CDH13: variants seen among roughly 807,000 people sequenced by gnomAD.
CDH13 encodes cadherin 13, also known as cadherin-13.
A neutral mutation model predicts 63.8 loss-of-function variants in CDH13; 24 were observed. The observed-to-expected ratio is 0.38, with a 90% CI of 0.27 to 0.53. The LOEUF is 0.53. Ranked by LOEUF, CDH13 falls within the 20% of genes least tolerant of loss-of-function variation. The probability of loss-of-function intolerance (pLI) is 0.85; values close to 1 mark genes in which losing one functional copy is unlikely to be tolerated. For synonymous variants in CDH13, 503 were observed against 355.3 expected (o/e 1.42, Z -4.67); for missense variants, 1,049 against 903.1 (o/e 1.16, Z -2.07).
intron 2 of CDH13, among the ~76,000 whole-genome samples, chr16:82,942,664 A>G (rs141416852): frequency 1.6e-3 from 250 of 152,288 alleles, no homozygotes; most frequent in African/African-American, 5.7e-3. Flanking sequence ...CTGGCCTGGA[A>G]TAGATAACAA....
At chr16:83,109,547 C>T (rs1423368585) in intron 3 of CDH13, among the ~76,000 whole-genome samples, 1 of 149,418 alleles carries the variant, frequency 6.7e-6, no homozygotes, top group Non-Finnish European at 1.5e-5. Flanking sequence ...ATTCTTTTTC[C>T]AAGTGCGGGT....
chr16:83,457,758 A>C (rs533850631), intron 6 of CDH13, among the ~76,000 whole-genome samples: 9 of 152,302 alleles, frequency 5.9e-5, no homozygotes, highest in African/African-American at 2.2e-4. Context: ...CCAAGCCAAT[A>C]GTCACTGACC....
At chr16:83,749,954 A>T (rs1021898889) in intron 11 of CDH13, among the ~76,000 whole-genome samples, 9 of 152,146 alleles carry the variant, frequency 5.9e-5, no homozygotes, top group Non-Finnish European at 8.8e-5. Context: ...GCAGCTTCTG[A>T]TTGGTTAGCC....
At chr16:82,681,640 C>G (rs1914559329) in intron 1 of CDH13, among the ~76,000 whole-genome samples, 1 of 152,232 alleles carries the variant, frequency 6.6e-6, no homozygotes. Flanking sequence ...GCGGATGCTC[C>G]TGGTGCCCCC....
chr16:83,485,271 A>G (rs2073860321), intron 6 of CDH13, among the ~76,000 whole-genome samples: 1 of 152,226 alleles, frequency 6.6e-6, no homozygotes, highest in Admixed American at 6.5e-5. Context: ...GTAGATGCCA[A>G]GGAGGCGAAG....
At chr16:82,780,317 C>T (rs1175107696) in intron 1 of CDH13, among the ~76,000 whole-genome samples, 1 of 152,190 alleles carries the variant, frequency 6.6e-6, no homozygotes, top group African/African-American at 2.4e-5. Flanking sequence ...GAAGAGTTTT[C>T]TCTCCTTGCC....
intron 6 of CDH13, among the ~76,000 whole-genome samples, chr16:83,404,394 C>G (rs2092011305): frequency 6.6e-6 from 1 of 152,168 alleles, no homozygotes; most frequent in South Asian, 2.1e-4. Context: ...ACTGGTTATG[C>G]TTATAACGTT....
intron 4 of CDH13, among the ~76,000 whole-genome samples, chr16:83,194,117 C>T (rs759082987): frequency 2.5e-4 from 38 of 152,202 alleles, no homozygotes; most frequent in Non-Finnish European, 4.6e-4. Context: ...CCAACCTTTG[C>T]GAATATGAAG....
At chr16:82,857,183 G>A (rs1045961320) in intron 1 of CDH13, among the ~76,000 whole-genome samples, 12 of 152,186 alleles carry the variant, frequency 7.9e-5, no homozygotes, top group African/African-American at 2.7e-4. Context: ...CCAACTGTAT[G>A]ATCTTGGGCA....
intron 1 of CDH13, among the ~76,000 whole-genome samples, chr16:82,816,318 A>AGT (rs2037707289): frequency 3.3e-5 from 5 of 152,284 alleles, no homozygotes; most frequent in Non-Finnish European, 5.9e-5. Flanking sequence ...CTGTATGTGT[A>AGT]GGTAGTGGTG....
intron 6 of CDH13, among the ~76,000 whole-genome samples, chr16:83,418,483 T>C (rs2071617930): frequency 6.6e-6 from 1 of 152,142 alleles, no homozygotes; most frequent in African/African-American, 2.4e-5. Flanking sequence ...TACATTCTCA[T>C]AGGTCAGTAG....
At position 83,346,285 on chromosome 16, in the gene CDH13, C is replaced by T. The variant is rs138361531; in HGVS notation, c.781+1279C>T. On this transcript the variant is annotated intron_variant, in intron 6 of 13. Coordinates refer to ENST00000567109, the MANE Select transcript of CDH13 (RefSeq NM_001257.5). ...AGGTCACTTCAGGGCAGACAATCCA[C>T]GTGGCCCCTCTCTGTGAGCTGCTTT... is the stretch of plus-strand genomic sequence containing the variant. 3.0e-4 allele frequency among the ~76,000 whole-genome samples: 45 copies of T among 152,262 alleles called. No individual in the cohort carries two copies. The East Asian group carries it at 6.4e-3, about 22-fold the overall frequency.
chr16:83,398,447 A>G (rs930134036), intron 6 of CDH13, among the ~76,000 whole-genome samples: 1 of 152,074 alleles, frequency 6.6e-6, no homozygotes, highest in Non-Finnish European at 1.5e-5. Flanking sequence ...TTACAAAGAC[A>G]TTTGCTATTG....
At chr16:83,370,303 G>C (rs2091340889) in intron 6 of CDH13, among the ~76,000 whole-genome samples, 1 of 151,498 alleles carries the variant, frequency 6.6e-6, no homozygotes, top group Non-Finnish European at 1.5e-5. Context: ...CAGGAGAATG[G>C]TGTGAACCCG....
intron 8 of CDH13, among the ~76,000 whole-genome samples, chr16:83,645,595 CA>C (rs1911716723): frequency 6.6e-6 from 1 of 152,030 alleles, no homozygotes; most frequent in Non-Finnish European, 1.5e-5. Flanking sequence ...AGAACACCCC[CA>C]ACCTCCCGCA....
At chr16:83,031,196 CAT>C (rs1360239879) in intron 2 of CDH13, among the ~76,000 whole-genome samples, 1 of 148,022 alleles carries the variant, frequency 6.8e-6, no homozygotes, top group African/African-American at 2.5e-5. Flanking sequence ...ACACCATATA[CAT>C]GCGCATGTAT....
At chr16:82,923,437 T>C (rs1195087655) in intron 2 of CDH13, among the ~76,000 whole-genome samples, 1 of 152,216 alleles carries the variant, frequency 6.6e-6, no homozygotes, top group African/African-American at 2.4e-5. Flanking sequence ...GACAAGAACA[T>C]TTTAAGCTGA....
At chr16:82,917,074 G>A (rs985715039) in intron 2 of CDH13, among the ~76,000 whole-genome samples, 3 of 152,232 alleles carry the variant, frequency 2.0e-5, no homozygotes, top group Non-Finnish European at 2.9e-5. Context: ...TTAAACCACT[G>A]TGACAGGAAA....
At chr16:82,745,639 CCATCATA>C (rs534051065) in intron 1 of CDH13, among the ~76,000 whole-genome samples, 205 of 152,172 alleles carry the variant, frequency 1.3e-3, no homozygotes, top group African/African-American at 3.9e-3. Context: ...GTATGTGGTT[CCATCATA>C]CATCATCGTA....
Sources: gnomAD v4.1 joint callset for allele counts (sites outside exome capture counted in the v4.1 genomes callset) on GRCh38, gnomAD v4.1.1 for gene constraint, MANE v1.5 for transcripts, NCBI Gene and HGNC (gene_info 2026-07-23, HGNC 2026-07-21) for gene names.